SLC4A8: variants seen among roughly 807,000 people sequenced by gnomAD.
SLC4A8 encodes solute carrier family 4 member 8, also known as electroneutral sodium bicarbonate exchanger 1.
In SLC4A8, 40 loss-of-function variants were observed where a neutral mutation model predicts 125.0. The ratio of observed to expected loss-of-function variants is 0.32; its 90% confidence interval spans 0.25 to 0.42. SLC4A8 has a LOEUF of 0.42. Ranked by LOEUF, SLC4A8 falls within the 10% of genes least tolerant of loss-of-function variation. The pLI is 1.00. For missense variants in SLC4A8, 863 were observed against 1,355.1 expected (o/e 0.64, Z 5.70); for synonymous variants, 456 against 476.0 (o/e 0.96, Z 0.55).
chr12:51,494,672 C>A, intron 20 of SLC4A8: 1 of 293,804 alleles, frequency 3.4e-6, no homozygotes, highest in Non-Finnish European at 6.2e-6. Context: ...TTCAACACCC[C>A]CTGAGAAAGA....
chr12:51,402,131 G>A (rs552583933), intron 1 of SLC4A8, among the ~76,000 whole-genome samples: 36 of 152,266 alleles, frequency 2.4e-4, no homozygotes, highest in African/African-American at 8.2e-4. Flanking sequence ...TGTGTGTTAT[G>A]CAAGACTAGA....
At chr12:51,423,804 C>A (rs575704226), upstream of SLC4A8, among the ~76,000 whole-genome samples, 1 of 152,136 alleles carries the variant, frequency 6.6e-6, no homozygotes, top group African/African-American at 2.4e-5. Context: ...GTGGCTGAGG[C>A]GGGCAGATCA....
At chr12:51,501,045 G>A (rs1328378159) in intron 22 of SLC4A8, among the ~76,000 whole-genome samples, 1 of 152,098 alleles carries the variant, frequency 6.6e-6, no homozygotes, top group Non-Finnish European at 1.5e-5. Flanking sequence ...TAGCCAGGAT[G>A]GTCTCGATCT....
At chr12:51,462,188 T>A in intron 9 of SLC4A8, 122 bp from the exon 10 acceptor site, 1 of 914,258 alleles carries the variant, frequency 1.1e-6, no homozygotes, top group Non-Finnish European at 1.7e-6. Flanking sequence ...GTTTTCTGCA[T>A]CTCAGATCCC....
At chr12:51,498,208 A>G (rs1263733958) in intron 22 of SLC4A8, among the ~76,000 whole-genome samples, 1 of 152,178 alleles carries the variant, frequency 6.6e-6, no homozygotes, top group Non-Finnish European at 1.5e-5. Flanking sequence ...TGATGCTTTC[A>G]GGCATCCAAA....
Position 51,512,846 on chromosome 12 carries a change from T to C in SLC4A8, c.*5408T>C, listed in dbSNP as rs1938413801. The C allele has an allele frequency of 1.3e-5, 2 of 152,160 alleles. No homozygotes were observed. The highest frequency in any genetic ancestry group is 4.8e-5 in the African/African-American group (2 of 41,420). 9.4% of individuals were successfully genotyped at this position (152,160 alleles called of 1,614,324 possible). ...TAATTTGAGAACAAATACAGATTCATCTATGGGAAAAGATGTTTAAACTCA... is the reference window on the plus strand; with the variant it reads ...TAATTTGAGAACAAATACAGATTCACCTATGGGAAAAGATGTTTAAACTCA... On this transcript the variant is annotated 3_prime_UTR_variant, in exon 25 of 25. Coordinates refer to ENST00000453097, the MANE Select transcript of SLC4A8 (RefSeq NM_001039960.3).
intron 1 of SLC4A8, among the ~76,000 whole-genome samples, chr12:51,407,462 C>A (rs1948511133): frequency 6.6e-6 from 1 of 151,166 alleles, no homozygotes. Flanking sequence ...AGAAATGAGA[C>A]CTCCCTATGT....
intron 1 of SLC4A8, among the ~76,000 whole-genome samples, chr12:51,405,469 T>A (rs1443353549): frequency 7.2e-5 from 11 of 152,216 alleles, no homozygotes; most frequent in Admixed American, 7.2e-4. Flanking sequence ...TTTGAAGAGG[T>A]TGCACCCAAA....
chr12:51,404,967 A>G (rs1228357106), intron 1 of SLC4A8, among the ~76,000 whole-genome samples: 1 of 152,194 alleles, frequency 6.6e-6, no homozygotes, highest in Admixed American at 6.5e-5. Flanking sequence ...AGTTATTGCT[A>G]TAAGGGCGTG....
chr12:51,425,234 C>G, intron 1 of SLC4A8, 199 bp downstream of exon 1: 1 of 1,374,448 alleles, frequency 7.3e-7, no homozygotes, highest in African/African-American at 1.5e-5. Flanking sequence ...TGACCTTGGG[C>G]CGAACCTGGG....
At chr12:51,495,214 G>T (rs2102376) in intron 21 of SLC4A8, 96 bp downstream of exon 21, 552,409 of 1,065,304 alleles carry the variant, frequency 0.52, 144,968 homozygotes, top group Non-Finnish European at 0.54. Context: ...TAAGTGTACA[G>T]TTGAGTGGCA....
At chr12:51,400,863 CAT>C (rs1187830137) in intron 1 of SLC4A8, among the ~76,000 whole-genome samples, 4 of 131,480 alleles carry the variant, frequency 3.0e-5, no homozygotes, top group Admixed American at 7.9e-5. Context: ...CGTATATAAA[CAT>C]ATATATGTAT....
At chr12:51,413,304 C>A (rs1164303494) in intron 1 of SLC4A8, among the ~76,000 whole-genome samples, 1 of 152,038 alleles carries the variant, frequency 6.6e-6, no homozygotes, top group East Asian at 1.9e-4. Context: ...TTTATATATT[C>A]TGGATATTAA....
chr12:51,425,986 A>G (rs1457015910), intron 1 of SLC4A8, among the ~76,000 whole-genome samples: 3 of 152,098 alleles, frequency 2.0e-5, no homozygotes, highest in Non-Finnish European at 4.4e-5. Context: ...GTGCAATCAG[A>G]TGGTGTGGTT....
chr12:51,406,101 G>C (rs190890874), intron 1 of SLC4A8, among the ~76,000 whole-genome samples: 5 of 152,310 alleles, frequency 3.3e-5, no homozygotes, highest in Admixed American at 1.3e-4. Flanking sequence ...CAAGTGTGGT[G>C]GTAGCCACAG....
Position 51,461,468 on chromosome 12 carries a change from T to C in SLC4A8, c.1101+177T>C. 8.4e-6 allele frequency: 4 copies of C among 474,766 alleles called. No homozygotes were observed. The South Asian group carries it at 1.1e-4, about 13-fold the overall frequency. 29.4% of individuals were successfully genotyped at this position (474,766 alleles called of 1,614,324 possible). The stretch of plus-strand genomic sequence containing the variant: ...TGTGGAAGGACCAAGCTCTAGAGGA[T>C]TTTTCTTCCTATGTTATCTCTCCTT... On this transcript the variant is annotated intron_variant, in intron 9 of 24. Transcript: ENST00000453097.
chr12:51,503,826 T>C (rs1938043474), intron 22 of SLC4A8, among the ~76,000 whole-genome samples: 1 of 152,226 alleles, frequency 6.6e-6, no homozygotes, highest in Non-Finnish European at 1.5e-5. Context: ...CATTTTCTTT[T>C]TTTCTTTTTT....
intron 19 of SLC4A8, 150 bp from the exon 20 acceptor site, chr12:51,493,554 A>C (rs1208586611): frequency 1.6e-6 from 1 of 622,666 alleles, no homozygotes; most frequent in Non-Finnish European, 2.9e-6. Context: ...TCTACTCCTA[A>C]GTCACCCACA....
Position 51,513,620 on chromosome 12 carries a change from A to G in SLC4A8, c.*6182A>G, listed in dbSNP as rs1328692627. 2 of 152,176 alleles carry G rather than the reference A, an allele frequency of 1.3e-5. No homozygotes were observed. The highest frequency in any genetic ancestry group is 2.9e-5 in the Non-Finnish European group (2 of 68,068). The allele number at this position is 152,176 out of a possible 1,614,324, so 9.4% of individuals were successfully genotyped here. On this transcript the variant is annotated 3_prime_UTR_variant, in exon 25 of 25. Transcript: ENST00000453097. ...TAGGCGCGCACCACCATGCCCAGCT[A>G]ATTTTTGTATTTTTAGTAGAGATGG...
Sources: gnomAD v4.1 joint callset for allele counts (sites outside exome capture counted in the v4.1 genomes callset) on GRCh38, gnomAD v4.1.1 for gene constraint, MANE v1.5 for transcripts, NCBI Gene and HGNC (gene_info 2026-07-23, HGNC 2026-07-21) for gene names.